Variants in SPMIP11 observed in about 807,000 individuals in gnomAD.
The protein encoded by SPMIP11 is sperm microtubule inner protein 11, also known as long intergenic non-protein coding RNA 935.
At chr12:48,758,891 T>C in the SPMIP11 span, among the ~76,000 whole-genome samples, 2 of 152,338 alleles carry the variant, frequency 1.3e-5, no homozygotes, top group East Asian at 3.9e-4. Flanking sequence ...AGGAAAGGAA[T>C]GTCTACCCAG....
chr12:48,762,122 G>A, the SPMIP11 span, among the ~76,000 whole-genome samples: 2,135 of 135,520 alleles, frequency 0.016, 27 homozygotes, highest in Non-Finnish European at 0.025. Flanking sequence ...GCAGTGGCGC[G>A]ATCTCGGCTC....
At chr12:48,761,055 G>A in the SPMIP11 span, among the ~76,000 whole-genome samples, 1 of 152,116 alleles carries the variant, frequency 6.6e-6, no homozygotes, top group Admixed American at 6.6e-5. Flanking sequence ...TGAACCATCT[G>A]GAAATGGGAA....
chr12:48,754,245 A>T, the SPMIP11 span, among the ~76,000 whole-genome samples: 1 of 152,022 alleles, frequency 6.6e-6, no homozygotes, highest in African/African-American at 2.4e-5. Context: ...TACAAAAAAA[A>T]ATTTTTTTAA....
chr12:48,750,684 A>G, the SPMIP11 span, among the ~76,000 whole-genome samples: 6 of 152,146 alleles, frequency 3.9e-5, no homozygotes, highest in African/African-American at 1.4e-4. Context: ...GTCCACATCT[A>G]CCTTGCTTAC....
chr12:48,737,239 C>T, the SPMIP11 span, among the ~76,000 whole-genome samples: 1 of 152,014 alleles, frequency 6.6e-6, no homozygotes, highest in Non-Finnish European at 1.5e-5. Flanking sequence ...GCGTGAGCCA[C>T]ATCGCCCGGT....
chr12:48,759,126 A>T, the SPMIP11 span: 5 of 678,548 alleles, frequency 7.4e-6, no homozygotes, highest in Non-Finnish European at 1.3e-5. Context: ...CCTGCTATGC[A>T]TCTGGTTAGC....
the SPMIP11 span, among the ~76,000 whole-genome samples, chr12:48,742,325 A>G: frequency 4.4e-5 from 6 of 136,998 alleles, no homozygotes. Flanking sequence ...TCTGTCGCCA[A>G]GGCTGGAGTA....
the SPMIP11 span, among the ~76,000 whole-genome samples, chr12:48,733,202 G>C: frequency 6.7e-6 from 1 of 150,024 alleles, no homozygotes; most frequent in Admixed American, 6.7e-5. Context: ...AGCCTCCCGA[G>C]TAGCTGGTAT....
chr12:48,742,146 C>CT, the SPMIP11 span, among the ~76,000 whole-genome samples: 5 of 152,122 alleles, frequency 3.3e-5, no homozygotes, highest in African/African-American at 1.2e-4. Flanking sequence ...AGCCCCTGGC[C>CT]TCAAGCAATC....
the SPMIP11 span, among the ~76,000 whole-genome samples, chr12:48,744,813 GGAAGAA>G: frequency 1.3e-5 from 2 of 149,172 alleles, no homozygotes; most frequent in Non-Finnish European, 3.0e-5. Context: ...AGAAGAAAAA[GGAAGAA>G]GAAGAAGAAA....
At chr12:48,757,063 A>G in the SPMIP11 span, among the ~76,000 whole-genome samples, 1 of 152,144 alleles carries the variant, frequency 6.6e-6, no homozygotes, top group African/African-American at 2.4e-5. Context: ...GGCATGAGCC[A>G]CGGTGCCCAG....
the SPMIP11 span, chr12:48,767,893 C>A: frequency 1.3e-5 from 2 of 153,514 alleles, no homozygotes; most frequent in South Asian, 2.1e-4. Flanking sequence ...ACACCCCGTT[C>A]CCTGGAGCGT....
chr12:48,758,794 ACCTACCTCCTTCTTTT>A, the SPMIP11 span, among the ~76,000 whole-genome samples: 1 of 152,132 alleles, frequency 6.6e-6, no homozygotes, highest in South Asian at 2.1e-4. Flanking sequence ...TTCTACTGTA[ACCTACCTCCTTCTTTT>A]CCTCCAAGAC....
chr12:48,741,527 C>T, the SPMIP11 span, among the ~76,000 whole-genome samples: 10 of 152,074 alleles, frequency 6.6e-5, no homozygotes, highest in African/African-American at 2.2e-4. Flanking sequence ...GGTCCCATTA[C>T]TGGTAATGTG....
At chr12:48,736,018 T>C in the SPMIP11 span, 1 of 420,034 alleles carries the variant, frequency 2.4e-6, no homozygotes, top group Non-Finnish European at 4.7e-6. Flanking sequence ...CTTACAACTA[T>C]GTAAAAAAGT....
the SPMIP11 span, among the ~76,000 whole-genome samples, chr12:48,745,166 G>C: frequency 6.6e-6 from 1 of 150,976 alleles, no homozygotes; most frequent in African/African-American, 2.4e-5. Flanking sequence ...AGCTACTTGG[G>C]GTTGGGGGGA....
chr12:48,756,931 A>G, the SPMIP11 span, among the ~76,000 whole-genome samples: 8 of 151,172 alleles, frequency 5.3e-5, no homozygotes, highest in Non-Finnish European at 8.9e-5. Context: ...CGTGAACACT[A>G]CTCCTGGCTA....
chr12:48,757,560 C>A, the SPMIP11 span, among the ~76,000 whole-genome samples: 1 of 151,428 alleles, frequency 6.6e-6, no homozygotes, highest in Admixed American at 6.6e-5. Context: ...GCAGAAGAAT[C>A]GCTTGAACCC....
At chr12:48,747,750 T>C in the SPMIP11 span, among the ~76,000 whole-genome samples, 1 of 152,218 alleles carries the variant, frequency 6.6e-6, no homozygotes, top group Non-Finnish European at 1.5e-5. Flanking sequence ...AATTTTGTTC[T>C]ATTCCTAGTA....
Sources: gnomAD v4.1 joint callset for allele counts (sites outside exome capture counted in the v4.1 genomes callset) on GRCh38, gnomAD v4.1.1 for gene constraint, MANE v1.5 for transcripts, NCBI Gene and HGNC (gene_info 2026-07-23, HGNC 2026-07-21) for gene names.